The following ACSF3 variants were observed in gnomAD, a reference collection of about 807,000 sequenced individuals.
ACSF3 encodes the protein acyl-CoA synthetase family member 3.
In ACSF3, 78 loss-of-function variants were observed where a neutral mutation model predicts 53.2. That is an observed-to-expected ratio of 1.47 (90% CI 1.22 to 1.77). The LOEUF is 1.77. Ranked by LOEUF, ACSF3 falls within the 40% of genes most tolerant of loss-of-function variation. The pLI, the probability that ACSF3 is intolerant of heterozygous loss-of-function variation, is 0.00. For synonymous variants in ACSF3, 414 were observed against 333.1 expected, an observed-to-expected ratio of 1.24 and a Z score of -2.65; for missense variants, 937 against 771.1, an observed-to-expected ratio of 1.22 and a Z score of -2.55.
rs560699276 is a variant in ACSF3, at chr16:89,121,024, G to T, written c.1239+111G>T. On this transcript the variant is annotated intron_variant, in intron 7 of 10. Transcript: ENST00000614302. ...GGAGGCAGACTCCCCTCCACGCAGGGGACCAGCCCCCTGGACACTGCAGGT... is the reference window on the plus strand; with the variant it reads ...GGAGGCAGACTCCCCTCCACGCAGGTGACCAGCCCCCTGGACACTGCAGGT... 1.1e-4 allele frequency: 105 copies of T among 975,270 alleles called. No homozygotes were observed. The East Asian group carries it at 2.6e-3, about 24-fold the overall frequency. The allele number at this position is 975,270 out of a possible 1,614,324, so 60.4% of individuals were successfully genotyped here. A position where few individuals can be genotyped will look rare whatever the true frequency, so the allele number is the denominator to read the frequency against.
intron 1 of ACSF3, among the ~76,000 whole-genome samples, chr16:89,098,252 C>G (rs1974851701): frequency 6.6e-6 from 1 of 152,200 alleles, no homozygotes; most frequent in South Asian, 2.1e-4. Flanking sequence ...CGGTTTCAAA[C>G]TAAGAGCAGA....
At chr16:89,106,375 C>T (rs1183896899) in intron 4 of ACSF3, among the ~76,000 whole-genome samples, 1 of 152,066 alleles carries the variant, frequency 6.6e-6, no homozygotes, top group Non-Finnish European at 1.5e-5. Context: ...TCACTGCAAC[C>T]TCCGCCTCCT....
intron 7 of ACSF3, among the ~76,000 whole-genome samples, chr16:89,129,218 A>C (rs1908795359): frequency 6.6e-6 from 1 of 152,150 alleles, no homozygotes; most frequent in Non-Finnish European, 1.5e-5. Flanking sequence ...TGGTTTTCTC[A>C]CCACTTGTTC....
intron 10 of ACSF3, chr16:89,151,482 A>C (rs928186756): frequency 7.1e-6 from 2 of 281,644 alleles, no homozygotes; most frequent in African/African-American, 2.2e-5. Flanking sequence ...ACAAAATCCT[A>C]AACAAAACGT....
intron 3 of ACSF3, chr16:89,102,379 G>C (rs904595150): frequency 3.3e-6 from 2 of 605,188 alleles, no homozygotes; most frequent in Admixed American, 2.5e-5. Context: ...GGCTGTGTGT[G>C]GCGCTGTCCT....
At chr16:89,147,192 C>T (rs1913143286) in intron 10 of ACSF3, among the ~76,000 whole-genome samples, 2 of 39,368 alleles carry the variant, frequency 5.1e-5, no homozygotes, top group African/African-American at 9.3e-5. Context: ...GAGGGAGGGT[C>T]CACAGAGTGA....
In ACSF3 at chr16:89,154,161, G is replaced by C. The variant is rs1401905863; in HGVS notation, c.1685G>C (p.Gly562Ala). 1 of 1,613,572 alleles carries C rather than the reference G, an allele frequency of 6.2e-7. No homozygotes were observed. The highest frequency in any genetic ancestry group is 8.5e-7 in the Non-Finnish European group (1 of 1,179,828). Residue 562 changes from glycine to alanine, a missense_variant, in exon 11 of 11, where the codon GGC becomes GCC. Gly to Ala is a moderately conservative substitution (Grantham distance 60). Coordinates refer to ENST00000614302, the MANE Select transcript of ACSF3 (RefSeq NM_001243279.3). ...GAGGAGATCCCGCGGAACCAGATGGGCAAGATTGACAAGAAGGCGCTCATC... is the reference window on the plus strand; with the variant it reads ...GAGGAGATCCCGCGGAACCAGATGGCCAAGATTGACAAGAAGGCGCTCATC... ...LVEEIPRNQMGKIDKKALIRH... is the reference protein window; with the variant it reads ...LVEEIPRNQMAKIDKKALIRH...
Position 89,154,380 on chromosome 16 carries a change from C to T in ACSF3, c.*173C>T, listed in dbSNP as rs1380225251. On this transcript the variant is annotated 3_prime_UTR_variant, in exon 11 of 11. Transcript: ENST00000614302. ...AATCACCATGTGGGGTCCCCAGCCTCGGGCCAGTTGTTGCAGCTCAAGGAG... is the reference window on the plus strand; with the variant it reads ...AATCACCATGTGGGGTCCCCAGCCTTGGGCCAGTTGTTGCAGCTCAAGGAG... 6 of 717,560 alleles carry T rather than the reference C, an allele frequency of 8.4e-6. No individual in the cohort carries two copies. Among genetic ancestry groups the T allele is most frequent in the South Asian group, 4.5e-5 (3 of 67,156 alleles). The allele number at this position is 717,560 out of a possible 1,614,324, so 44.4% of individuals were successfully genotyped here. A position where few individuals can be genotyped will look rare whatever the true frequency, so the allele number is the denominator to read the frequency against.
At chr16:89,110,876 C>T (rs1397114358) in intron 4 of ACSF3, among the ~76,000 whole-genome samples, 1 of 152,208 alleles carries the variant, frequency 6.6e-6, no homozygotes, top group African/African-American at 2.4e-5. Context: ...CTGTCTCCCG[C>T]ACTCTGGTCG....
intron 8 of ACSF3, among the ~76,000 whole-genome samples, chr16:89,135,315 C>G (rs1264953712): frequency 6.6e-6 from 1 of 152,246 alleles, no homozygotes; most frequent in East Asian, 1.9e-4. Context: ...CCTGCAGCCT[C>G]TCCGCCTCAT....
chr16:89,124,486 ACT>A (rs1332273266), intron 7 of ACSF3, among the ~76,000 whole-genome samples: 1 of 74,550 alleles, frequency 1.3e-5, no homozygotes, highest in Admixed American at 1.5e-4. Context: ...CCGTGCACAC[ACT>A]GAGTGTGTGT....
intron 7 of ACSF3, among the ~76,000 whole-genome samples, chr16:89,124,804 TG>T (rs1348842663): frequency 6.6e-6 from 1 of 152,256 alleles, no homozygotes; most frequent in Non-Finnish European, 1.5e-5. Flanking sequence ...GTGTGATATT[TG>T]TTGAAAAGAC....
At chr16:89,102,229 G>T (rs1010746622) in intron 3 of ACSF3, 2 of 362,030 alleles carry the variant, frequency 5.5e-6, no homozygotes, top group Admixed American at 3.8e-5. Context: ...GCTGTCACCT[G>T]AGCCAGTGGT....
At chr16:89,150,557 C>T (rs1211239057) in intron 10 of ACSF3, 4 of 197,192 alleles carry the variant, frequency 2.0e-5, no homozygotes. Flanking sequence ...CTGTGCATCT[C>T]TCACATCAGG....
chr16:89,124,422 G>A lies in ACSF3; in HGVS notation c.1239+3509G>A, dbSNP rs551735123. 1.7e-3 allele frequency among the ~76,000 whole-genome samples: 251 copies of A among 150,914 alleles called. 2 individuals are homozygous for A. The highest frequency in any genetic ancestry group is 2.9e-3 in the Non-Finnish European group (196 of 67,604). On this transcript the variant is annotated intron_variant, in intron 7 of 10. Transcript: ENST00000614302. Reference sequence around the variant, plus strand: ...CTGCTCATGTGTGTGTTACCCGTGCGTGCACTGTGCGTATGTGTGTGATAC... The same window carrying A: ...CTGCTCATGTGTGTGTTACCCGTGCATGCACTGTGCGTATGTGTGTGATAC...
At chr16:89,147,553 GGA>G (rs1263070772) in intron 10 of ACSF3, 1 of 104,568 alleles carries the variant, frequency 9.6e-6, no homozygotes, top group Admixed American at 9.6e-5. Context: ...CACAGAGCGA[GGA>G]GGGGGTGGGA....
rs1197358236 is a variant in ACSF3 at position 89,145,549 on chromosome 16, A to G, written c.1501+148A>G. On this transcript the variant is annotated intron_variant, in intron 9 of 10. Coordinates refer to ENST00000614302, the MANE Select transcript of ACSF3 (RefSeq NM_001243279.3). ...CTCACCTCTGGTCCCTGCCCTGGCC[A>G]GGGAACATGGGGCTAGTGGGGGTGC... 4 of 1,066,518 alleles carry G rather than the reference A, an allele frequency of 3.8e-6. No homozygotes were observed. The African/African-American group carries it at 4.7e-5, about 13-fold the overall frequency. 66.1% of individuals were successfully genotyped at this position (1,066,518 alleles called of 1,614,324 possible). A position where few individuals can be genotyped will look rare whatever the true frequency, so the allele number is the denominator to read the frequency against.
rs1048128712 is a variant in ACSF3 at position 89,155,530 on chromosome 16, C to T, written c.*1323C>T. On this transcript the variant is annotated 3_prime_UTR_variant, in exon 11 of 11. Transcript: ENST00000614302. ...GTGGGTGCCCCAGTCCACGGCCCTG[C>T]CCCACCCGAACTCCTGCCTCACGGT... The T allele has an allele frequency of 2.2e-6, 1 of 454,146 alleles. No individual in the cohort carries two copies. The highest frequency in any genetic ancestry group is 6.9e-5 in the East Asian group (1 of 14,390). 28.1% of individuals were successfully genotyped at this position (454,146 alleles called of 1,614,324 possible). A position where few individuals can be genotyped will look rare whatever the true frequency, so the allele number is the denominator to read the frequency against.
intron 2 of ACSF3, among the ~76,000 whole-genome samples, chr16:89,100,249 G>T (rs990881533): frequency 6.6e-6 from 1 of 152,276 alleles, no homozygotes; most frequent in African/African-American, 2.4e-5. Context: ...TCCAGGCCAT[G>T]CCTGTTGTGA....
Sources: gnomAD v4.1 joint callset for allele counts (sites outside exome capture counted in the v4.1 genomes callset) on GRCh38, gnomAD v4.1.1 for gene constraint, MANE v1.5 for transcripts, NCBI Gene and HGNC (gene_info 2026-07-23, HGNC 2026-07-21) for gene names.